ECPAS: variants seen among roughly 807,000 people sequenced by gnomAD.
ECPAS encodes the protein proteasome adapter and scaffold protein ECM29.
In ECPAS, 70 loss-of-function variants were observed where a neutral mutation model predicts 255.1. The observed-to-expected ratio is 0.27, with a 90% CI of 0.23 to 0.33. The LOEUF (loss-of-function observed/expected upper bound fraction) is 0.33. ECPAS is among the 10% of genes least tolerant of loss of function. ECPAS has a pLI of 1.00. For synonymous variants in ECPAS, 784 were observed against 775.0 expected, an observed-to-expected ratio of 1.01 and a Z score of -0.19; for missense variants, 1,817 against 2,206.4, an observed-to-expected ratio of 0.82 and a Z score of 3.54.
chr9:111,428,283 T>A, intron 9 of ECPAS, 122 bp from the exon 10 acceptor site: 1 of 788,644 alleles, frequency 1.3e-6, no homozygotes, highest in South Asian at 2.3e-5. Flanking sequence ...TTTACACTCT[T>A]AAAAATTACT....
At chr9:111,444,289 C>T (rs1043137018) in intron 4 of ECPAS, 89 bp downstream of exon 4, 3 of 830,986 alleles carry the variant, frequency 3.6e-6, no homozygotes, top group African/African-American at 3.5e-5. Context: ...AGGTGAAATT[C>T]TAAACTTGCC....
chr9:111,454,316 G>C (rs1056065382), intron 2 of ECPAS, among the ~76,000 whole-genome samples: 1 of 146,866 alleles, frequency 6.8e-6, no homozygotes, highest in Non-Finnish European at 1.5e-5. Flanking sequence ...GAGATGGGGG[G>C]GTGGGGTGCG....
At chr9:111,451,373 G>A (rs1044680197) in intron 3 of ECPAS, 52 bp downstream of exon 3, 3 of 1,508,208 alleles carry the variant, frequency 2.0e-6, no homozygotes, top group Non-Finnish European at 2.7e-6. Flanking sequence ...ACTTGATAAT[G>A]TATATTCATT....
intron 34 of ECPAS, among the ~76,000 whole-genome samples, chr9:111,383,673 C>T (rs1381765309): frequency 6.6e-6 from 1 of 152,150 alleles, no homozygotes; most frequent in African/African-American, 2.4e-5. Flanking sequence ...ATAAAGCCAG[C>T]ACTTTGGGAG....
intron 10 of ECPAS, among the ~76,000 whole-genome samples, chr9:111,427,210 A>G (rs1208775226): frequency 6.6e-6 from 1 of 152,000 alleles, no homozygotes; most frequent in Non-Finnish European, 1.5e-5. Flanking sequence ...GTGGGCCAAG[A>G]CTAGAGGCAG....
chr9:111,425,798 T>C lies in ECPAS; in HGVS notation c.1081A>G (p.Thr361Ala). The C allele has an allele frequency of 6.3e-7, 1 of 1,585,480 alleles. No individual in the cohort carries two copies. Among genetic ancestry groups the C allele is most frequent in the East Asian group, 2.2e-5 (1 of 44,582 alleles). The change falls in exon 11 of 50, where the codon ACA becomes GCA. Residue 361 changes from threonine (T) to alanine (A), a missense_variant. By Grantham distance (58) the Thr-to-Ala change is moderately conservative (BLOSUM62 0). Around this residue, in one of 4 missense-constraint regions of ECPAS, gnomAD observed 573 missense variants for 716.2 expected, o/e 0.80. Coordinates refer to ENST00000684092, the MANE Select transcript of ECPAS (RefSeq NM_001364929.1). ...VVYDGLFGTN[T>A]NSKLRTLSLQ... The stretch of plus-strand genomic sequence containing the variant: ...GATAATGTTCTTAACTTTGAATTTG[T>C]ATTTGTACCAAAAAGTCCATCATAC...
At chr9:111,447,496 T>C (rs2098254890) in intron 3 of ECPAS, among the ~76,000 whole-genome samples, 1 of 152,228 alleles carries the variant, frequency 6.6e-6, no homozygotes, top group Non-Finnish European at 1.5e-5. Context: ...TTCCTAAATA[T>C]GGTTATATCT....
intron 31 of ECPAS, among the ~76,000 whole-genome samples, chr9:111,388,097 C>G (rs2098153133): frequency 6.6e-6 from 1 of 152,054 alleles, no homozygotes; most frequent in South Asian, 2.1e-4. Flanking sequence ...TATACCAATG[C>G]TGACATTCTC....
intron 1 of ECPAS, among the ~76,000 whole-genome samples, chr9:111,475,523 T>C (rs1242754726): frequency 6.6e-6 from 1 of 152,120 alleles, no homozygotes; most frequent in African/African-American, 2.4e-5. Context: ...TCACTTGAGG[T>C]CAGGAGTTCA....
chr9:111,386,485 A>G, intron 31 of ECPAS, 29 bp from the exon 32 acceptor site: 1 of 1,322,728 alleles, frequency 7.6e-7, no homozygotes, highest in Non-Finnish European at 1.1e-6. Context: ...TAAAATTTAA[A>G]ATGCAAAATC....
At chr9:111,431,186 T>A (rs1026082774) in intron 8 of ECPAS, among the ~76,000 whole-genome samples, 1 of 152,182 alleles carries the variant, frequency 6.6e-6, no homozygotes, top group South Asian at 2.1e-4. Flanking sequence ...CAGTTTTAAT[T>A]CTGCAGAGTA....
chr9:111,440,379 G>T lies in ECPAS; in HGVS notation c.532C>A (p.Pro178Thr), dbSNP rs2098244171. The T allele has an allele frequency of 6.2e-7, 1 of 1,609,570 alleles. No individual in the cohort carries two copies. The highest frequency in any genetic ancestry group is 1.3e-5 in the African/African-American group (1 of 74,790). ...LDFMLDVLLM[P>T]YGYVLNESQS... is the part of the protein sequence containing the mutation. ...TTTTATTTTTTAACTCACCCATAAGGCATCAGAAGGACATCTAGCATGAAG... is the reference window on the plus strand; with the variant it reads ...TTTTATTTTTTAACTCACCCATAAGTCATCAGAAGGACATCTAGCATGAAG... Residue 178 changes from proline (P) to threonine (T), a missense_variant, in exon 6 of 50, where the codon CCT becomes ACT. Transcript: ENST00000684092.
intron 2 of ECPAS, among the ~76,000 whole-genome samples, chr9:111,462,006 C>T (rs547315413): frequency 2.0e-5 from 3 of 152,278 alleles, no homozygotes; most frequent in South Asian, 2.1e-4. Context: ...CTGCATCCCT[C>T]CCACAGCACA....
chr9:111,416,360 TAA>T lies in ECPAS; in HGVS notation c.1684-10_1684-9del, dbSNP rs1361191636. The T allele has an allele frequency of 6.2e-7, 1 of 1,609,860 alleles. No individual in the cohort carries two copies. The highest frequency in any genetic ancestry group is 1.7e-5 in the Admixed American group (1 of 59,972). ...TTTCATTCGATGAGAAGCCTAAGTTTAAAAAGTCCAAAACAGACACAATTACT... is the reference window on the plus strand; with the variant it reads ...TTTCATTCGATGAGAAGCCTAAGTTTAAAGTCCAAAACAGACACAATTACT... On this transcript the variant is annotated splice_polypyrimidine_tract_variant and intron_variant, in intron 17 of 49. Transcript: ENST00000684092.
intron 3 of ECPAS, among the ~76,000 whole-genome samples, chr9:111,448,904 A>T (rs1269006233): frequency 6.6e-6 from 1 of 152,216 alleles, no homozygotes; most frequent in Non-Finnish European, 1.5e-5. Context: ...AGAGAAATTC[A>T]TAAGCTGAGG....
chr9:111,432,351 C>T (rs1219468339), intron 8 of ECPAS, among the ~76,000 whole-genome samples: 5 of 152,216 alleles, frequency 3.3e-5, no homozygotes, highest in Non-Finnish European at 5.9e-5. Context: ...TGGTGGCTCA[C>T]GCCTGTAATC....
chr9:111,385,527 T>G (rs1019548377), intron 32 of ECPAS, 85 bp from the exon 33 acceptor site: 7 of 808,616 alleles, frequency 8.7e-6, no homozygotes, highest in African/African-American at 5.3e-5. Flanking sequence ...AGAATACAGA[T>G]TCTGCCTCTA....
chr9:111,456,655 T>C (rs936587369), intron 2 of ECPAS, among the ~76,000 whole-genome samples: 2 of 152,216 alleles, frequency 1.3e-5, no homozygotes, highest in African/African-American at 2.4e-5. Flanking sequence ...ACTCCATATG[T>C]GACCAGCTGC....
chr9:111,365,627 C>G (rs955226824), intron 48 of ECPAS: 2 of 152,710 alleles, frequency 1.3e-5, no homozygotes, highest in African/African-American at 4.8e-5. Flanking sequence ...GATCACACCA[C>G]TGCACTCCAA....
Sources: allele counts gnomAD v4.1 joint callset (sites outside exome capture counted in the v4.1 genomes callset), GRCh38; gene constraint gnomAD v4.1.1; regional missense constraint gnomAD v4.1.1; transcripts MANE v1.5; gene names NCBI Gene and HGNC (gene_info 2026-07-23, HGNC 2026-07-21).